Variants in AFAP1L2 observed in about 807,000 individuals in gnomAD.
AFAP1L2 encodes the protein actin filament-associated protein 1-like 2.
In AFAP1L2, 46 loss-of-function variants were observed where a neutral mutation model predicts 99.3. The ratio of observed to expected loss-of-function variants is 0.46; its 90% CI spans 0.37 to 0.59. AFAP1L2 has a LOEUF of 0.59. Among genes scored for constraint, AFAP1L2 ranks in the 20% least tolerant of loss-of-function variants. The probability of loss-of-function intolerance (pLI) is 0.00; values close to 1 mark genes in which losing one functional copy is unlikely to be tolerated. For missense variants in AFAP1L2, 959 were observed against 1,034.9 expected, an observed-to-expected ratio of 0.93 and a Z score of 1.01; for synonymous variants, 397 against 419.1, an observed-to-expected ratio of 0.95 and a Z score of 0.64.
At chr10:114,326,600 CT>C (rs1267725907) in intron 4 of AFAP1L2, among the ~76,000 whole-genome samples, 1 of 151,926 alleles carries the variant, frequency 6.6e-6, no homozygotes, top group Admixed American at 6.5e-5. Flanking sequence ...CGTTTTTTGC[CT>C]GTAGGTTGAC....
chr10:114,330,053 G>C (rs550356786), intron 4 of AFAP1L2, among the ~76,000 whole-genome samples: 1 of 152,092 alleles, frequency 6.6e-6, no homozygotes, highest in Non-Finnish European at 1.5e-5. Flanking sequence ...GTTCAGTCCC[G>C]ACATCAAGCC....
chr10:114,328,433 C>T (rs947007422), intron 4 of AFAP1L2, among the ~76,000 whole-genome samples: 10 of 152,190 alleles, frequency 6.6e-5, no homozygotes, highest in African/African-American at 2.4e-4. Context: ...GGACAAACCT[C>T]CCTGAAGTTC....
At position 114,297,421 on chromosome 10, in the gene AFAP1L2, G is replaced by C. The variant is rs562034631; in HGVS notation, c.2114-8C>G. 20 of 1,610,914 alleles carry C rather than the reference G, an allele frequency of 1.2e-5. No homozygotes were observed. The highest frequency in any genetic ancestry group is 1.6e-5 in the Non-Finnish European group (19 of 1,179,576). On this transcript the variant is annotated splice_polypyrimidine_tract_variant and splice_region_variant and intron_variant, in intron 16 of 18. Transcript: ENST00000304129. ...TCGCCAGGACTTCCTTGTCTGGAGAGAGAATTATGCAGGTGTCAGAGAACA... is the reference window on the plus strand; with the variant it reads ...TCGCCAGGACTTCCTTGTCTGGAGACAGAATTATGCAGGTGTCAGAGAACA...
intron 1 of AFAP1L2, among the ~76,000 whole-genome samples, chr10:114,382,828 C>G (rs2055876883): frequency 6.6e-6 from 1 of 152,024 alleles, no homozygotes. Context: ...CTCCTGACCT[C>G]AGGTGATCCG....
downstream of AFAP1L2, chr10:114,290,318 A>G: frequency 6.4e-7 from 1 of 1,550,572 alleles, no homozygotes. Context: ...AATGGGAGCT[A>G]CCGCTGCAAG....
chr10:114,307,343 A>G (rs2042592917), intron 10 of AFAP1L2, among the ~76,000 whole-genome samples: 1 of 151,994 alleles, frequency 6.6e-6, no homozygotes, highest in Admixed American at 6.5e-5. Flanking sequence ...CTCTGACCAC[A>G]GGGCAAGAAA....
chr10:114,298,851 C>T (rs1172948432), intron 16 of AFAP1L2, among the ~76,000 whole-genome samples: 2 of 152,176 alleles, frequency 1.3e-5, no homozygotes, highest in Non-Finnish European at 2.9e-5. Flanking sequence ...GATGCATTAA[C>T]AGGTGTAGTT....
intron 1 of AFAP1L2, among the ~76,000 whole-genome samples, chr10:114,379,900 A>G (rs1240135340): frequency 6.6e-6 from 1 of 152,214 alleles, no homozygotes; most frequent in Non-Finnish European, 1.5e-5. Flanking sequence ...CTGCCTGGGA[A>G]GAGATGATGA....
chr10:114,395,716 AGT>A (rs1198357764), intron 1 of AFAP1L2, among the ~76,000 whole-genome samples: 4 of 152,196 alleles, frequency 2.6e-5, no homozygotes, highest in African/African-American at 7.2e-5. Context: ...AACAGATGCC[AGT>A]GTGCCCAGGC....
rs528599180 is a variant in AFAP1L2 at position 114,302,141 on chromosome 10, G to A, written c.1430+198C>T. On this transcript the variant is annotated intron_variant, in intron 12 of 18. Coordinates refer to ENST00000304129, the MANE Select transcript of AFAP1L2 (RefSeq NM_001001936.3). ...GCCCCCGGGGCCCGAAGCCTGGCTCGGCTCCTTGCTCTTAGCTCAGCTCCT... is the reference window on the plus strand; with the variant it reads ...GCCCCCGGGGCCCGAAGCCTGGCTCAGCTCCTTGCTCTTAGCTCAGCTCCT... 22 of 768,838 alleles carry A rather than the reference G, an allele frequency of 2.9e-5. 1 individual carries two copies. The highest frequency in any genetic ancestry group is 1.4e-4 in the African/African-American group (8 of 57,124). 47.6% of individuals were successfully genotyped at this position (768,838 alleles called of 1,614,324 possible). A position where few individuals can be genotyped will look rare whatever the true frequency, so the allele number is the denominator to read the frequency against.
At chr10:114,310,798 TC>T (rs1273998224) in intron 7 of AFAP1L2, among the ~76,000 whole-genome samples, 1 of 152,220 alleles carries the variant, frequency 6.6e-6, no homozygotes, top group African/African-American at 2.4e-5. Flanking sequence ...GGGCTACTGT[TC>T]TGTTGCAGGC....
intron 1 of AFAP1L2, among the ~76,000 whole-genome samples, chr10:114,385,701 G>C (rs1001841704): frequency 6.6e-6 from 1 of 152,200 alleles, no homozygotes; most frequent in Non-Finnish European, 1.5e-5. Context: ...GAAAGTGTCT[G>C]ACAGAAAAGC....
intron 10 of AFAP1L2, among the ~76,000 whole-genome samples, chr10:114,305,931 C>T (rs1284031628): frequency 3.8e-4 from 16 of 41,912 alleles, no homozygotes; most frequent in African/African-American, 4.6e-4. Context: ...CAGGAGGGGA[C>T]GGGGCTGCAG....
At chr10:114,398,648 A>C (rs989653436) in intron 1 of AFAP1L2, among the ~76,000 whole-genome samples, 1 of 152,288 alleles carries the variant, frequency 6.6e-6, no homozygotes, top group Non-Finnish European at 1.5e-5. Context: ...GAGAAAGATT[A>C]ATTGACTTGC....
intron 8 of AFAP1L2, among the ~76,000 whole-genome samples, chr10:114,309,963 T>G (rs1236937968): frequency 6.6e-6 from 1 of 152,234 alleles, no homozygotes; most frequent in Non-Finnish European, 1.5e-5. Context: ...AGTCTCCCTC[T>G]GTCACCCAGG....
chr10:114,297,495 C>T lies in AFAP1L2; in HGVS notation c.2114-82G>A. The T allele has an allele frequency of 6.4e-6, 9 of 1,403,386 alleles. No homozygotes were observed. In the Admixed American group the frequency reaches 1.6e-4, roughly 25 times the overall value. 86.9% of individuals were successfully genotyped at this position (1,403,386 alleles called of 1,614,324 possible). Reference sequence around the variant, plus strand: ...CCCTGCTGGGTGGAGGCAGGGTCTACATACCCCGCCACCCGAGAAGGACCA... The same window carrying T: ...CCCTGCTGGGTGGAGGCAGGGTCTATATACCCCGCCACCCGAGAAGGACCA... On this transcript the variant is annotated intron_variant, in intron 16 of 18. Coordinates refer to ENST00000304129, the MANE Select transcript of AFAP1L2 (RefSeq NM_001001936.3).
rs772032622 is a variant in AFAP1L2 at position 114,315,698 on chromosome 10, C to T, written c.474G>A (p.Ser158=). Residue 158 remains serine (S), a synonymous_variant, in exon 6 of 19, where the codon TCG becomes TCA. Transcript: ENST00000304129. ...CCGGCGAGGGCCACTGGTAAGGGGC[C>T]GACTTGCCCTTGCTGCCGTCCTCTT... ...YDEEDGSKGK[S]APYQWPSPEA... 11 of 1,613,582 alleles carry T rather than the reference C, an allele frequency of 6.8e-6. No individual in the cohort carries two copies. Among genetic ancestry groups the T allele is most frequent in the Admixed American group, 1.7e-5 (1 of 59,994 alleles).
intron 1 of AFAP1L2, among the ~76,000 whole-genome samples, chr10:114,395,053 C>A (rs1381767183): frequency 6.6e-6 from 1 of 152,176 alleles, no homozygotes; most frequent in Non-Finnish European, 1.5e-5. Flanking sequence ...TGTGATCCAA[C>A]TCTGCCATGT....
intron 18 of AFAP1L2, 100 bp downstream of exon 18, chr10:114,296,878 T>G: frequency 6.3e-7 from 1 of 1,594,486 alleles, no homozygotes; most frequent in Non-Finnish European, 8.6e-7. Context: ...TGCTCAGAGC[T>G]GGTGCCAAAA....
Sources: gnomAD v4.1 joint callset for allele counts (sites outside exome capture counted in the v4.1 genomes callset) on GRCh38, gnomAD v4.1.1 for gene constraint, MANE v1.5 for transcripts, NCBI Gene and HGNC (gene_info 2026-07-23, HGNC 2026-07-21) for gene names.